IL1RAPL1: variants seen among roughly 807,000 people sequenced by gnomAD.
IL1RAPL1 encodes the protein interleukin 1 receptor accessory protein like 1.
A neutral mutation model predicts 48.4 loss-of-function variants in IL1RAPL1; 3 were observed. The ratio of observed to expected loss-of-function variants is 0.06; its 90% CI spans 0.03 to 0.16. The LOEUF (loss-of-function observed/expected upper bound fraction) is 0.16. IL1RAPL1 is among the 10% of genes least tolerant of loss of function. The pLI is 1.00. For missense variants in IL1RAPL1, 349 were observed against 530.6 expected (o/e 0.66, Z 3.36); for synonymous variants, 185 against 187.7 (o/e 0.99, Z 0.12).
chrX:29,559,014 C>T (rs1922098245), intron 5 of IL1RAPL1, among the ~76,000 whole-genome samples: 1 of 111,744 alleles, frequency 8.9e-6, no homozygotes, highest in Admixed American at 9.5e-5. Context: ...TATTCAAAGT[C>T]CTTTGTAGTT....
At chrX:28,899,445 G>A (rs1003229963) in intron 2 of IL1RAPL1, among the ~76,000 whole-genome samples, 16 of 111,792 alleles carry the variant, frequency 1.4e-4, no homozygotes, top group African/African-American at 4.9e-4. Flanking sequence ...AGCATGAACC[G>A]TGCCTGGCCA....
chrX:29,370,230 G>A (rs1933525281), intron 3 of IL1RAPL1, among the ~76,000 whole-genome samples: 1 of 110,336 alleles, frequency 9.1e-6, no homozygotes, highest in Admixed American at 9.7e-5. Flanking sequence ...TTTTTTCTCA[G>A]AACAGTAATA....
At chrX:29,545,073 T>G (rs759569596) in intron 5 of IL1RAPL1, among the ~76,000 whole-genome samples, 8 of 110,254 alleles carry the variant, frequency 7.3e-5, no homozygotes, top group African/African-American at 9.9e-5. Flanking sequence ...CCAAACTTGC[T>G]GGCACCTTGA....
At chrX:29,194,508 T>A in intron 2 of IL1RAPL1, among the ~76,000 whole-genome samples, 1 of 112,477 alleles carries the variant, frequency 8.9e-6, no homozygotes, top group East Asian at 2.8e-4. Flanking sequence ...TTACAGAAGC[T>A]GTGGTGTAGC....
intron 6 of IL1RAPL1, among the ~76,000 whole-genome samples, chrX:29,791,488 A>C (rs1929635807): frequency 9.7e-6 from 1 of 103,221 alleles, no homozygotes; most frequent in Admixed American, 1.1e-4. Context: ...CAATGGCGTG[A>C]TCTCGGCTCA....
At chrX:29,861,924 T>A (rs1231487606) in intron 6 of IL1RAPL1, among the ~76,000 whole-genome samples, 3 of 110,632 alleles carry the variant, frequency 2.7e-5, no homozygotes, top group Non-Finnish European at 5.7e-5. Flanking sequence ...CTAAGCAGGG[T>A]GAGGGCCATG....
intron 2 of IL1RAPL1, among the ~76,000 whole-genome samples, chrX:29,277,045 A>T (rs1203776168): frequency 8.9e-6 from 1 of 112,570 alleles, no homozygotes; most frequent in Non-Finnish European, 1.9e-5. Flanking sequence ...GTATTAACTA[A>T]AGAACATAGG....
chrX:28,738,907 C>A (rs1935876141), intron 1 of IL1RAPL1, among the ~76,000 whole-genome samples: 1 of 110,787 alleles, frequency 9.0e-6, no homozygotes, highest in South Asian at 3.8e-4. Context: ...AATTAGCATC[C>A]TAATTATTTT....
At chrX:28,911,874 T>G (rs1923370375) in intron 2 of IL1RAPL1, among the ~76,000 whole-genome samples, 3 of 107,803 alleles carry the variant, frequency 2.8e-5, no homozygotes, top group Admixed American at 1.0e-4. Flanking sequence ...CCATGAAGAG[T>G]TTTTATCAGT....
chrX:29,358,154 T>A (rs1246354233), intron 3 of IL1RAPL1, among the ~76,000 whole-genome samples: 1 of 111,288 alleles, frequency 9.0e-6, no homozygotes, highest in African/African-American at 3.3e-5. Flanking sequence ...GGATTCTGTT[T>A]TTTTATAAAT....
chrX:28,658,696 C>A (rs767197403), intron 1 of IL1RAPL1, among the ~76,000 whole-genome samples: 9 of 110,986 alleles, frequency 8.1e-5, no homozygotes, highest in Non-Finnish European at 1.5e-4. Flanking sequence ...CTACAAACAC[C>A]ATTTAGTTGC....
At chrX:29,339,059 G>A (rs948992578) in intron 3 of IL1RAPL1, among the ~76,000 whole-genome samples, 12 of 94,203 alleles carry the variant, frequency 1.3e-4, no homozygotes, top group African/African-American at 5.0e-4. Flanking sequence ...TGTTCTCCAA[G>A]CTTATGCTGG....
chrX:29,381,993 A>G (rs980018198), intron 3 of IL1RAPL1, among the ~76,000 whole-genome samples: 5 of 109,013 alleles, frequency 4.6e-5, no homozygotes, highest in South Asian at 4.0e-4. Flanking sequence ...TATTAGTAAA[A>G]GAAAGCCAGG....
intron 6 of IL1RAPL1, among the ~76,000 whole-genome samples, chrX:29,679,650 A>G (rs1046567837): frequency 8.9e-6 from 1 of 112,403 alleles, no homozygotes; most frequent in Non-Finnish European, 1.9e-5. Context: ...TTATTTTAAA[A>G]AAAACCCTGT....
chrX:29,891,594 C>T (rs1267669895), intron 6 of IL1RAPL1, among the ~76,000 whole-genome samples: 2 of 111,237 alleles, frequency 1.8e-5, no homozygotes, highest in South Asian at 3.9e-4. Flanking sequence ...AAGATGCTGT[C>T]CACTGAGAGC....
intron 2 of IL1RAPL1, among the ~76,000 whole-genome samples, chrX:29,275,180 G>GCTTTGTAGTAACTA (rs1932100685): frequency 9.0e-6 from 1 of 111,660 alleles, no homozygotes; most frequent in Non-Finnish European, 1.9e-5. Flanking sequence ...AGCATCACCT[G>GCTTTGTAGTAACTA]CTTTGTAGTA....
intron 3 of IL1RAPL1, among the ~76,000 whole-genome samples, chrX:29,299,759 TGTGAATTTATATTCAA>T (rs1932504215): frequency 8.9e-6 from 1 of 112,217 alleles, no homozygotes; most frequent in Non-Finnish European, 1.9e-5. Flanking sequence ...ACATTAAGTT[TGTGAATTTATATTCAA>T]GTGATAACGG....
At chrX:29,204,691 G>A (rs1223627040) in intron 2 of IL1RAPL1, among the ~76,000 whole-genome samples, 8 of 111,562 alleles carry the variant, frequency 7.2e-5, no homozygotes, top group Non-Finnish European at 1.1e-4. Flanking sequence ...AAAATTAGAC[G>A]GATATATTGT....
chrX:28,603,102 T>C (rs1475995497), intron 1 of IL1RAPL1, among the ~76,000 whole-genome samples: 1 of 111,915 alleles, frequency 8.9e-6, no homozygotes, highest in African/African-American at 3.2e-5. Context: ...AACATATTTG[T>C]GTGAGTCCTT....
Sources: allele counts gnomAD v4.1 joint callset (sites outside exome capture counted in the v4.1 genomes callset), GRCh38; gene constraint gnomAD v4.1.1; transcripts MANE v1.5; gene names NCBI Gene and HGNC (gene_info 2026-07-23, HGNC 2026-07-21).